PXDNL: variants seen among roughly 807,000 people sequenced by gnomAD.
The protein encoded by PXDNL is probable oxidoreductase PXDNL.
A neutral mutation model predicts 150.8 loss-of-function variants in PXDNL; 145 were observed. The observed-to-expected ratio is 0.96, with a 90% CI of 0.84 to 1.10. The LOEUF (loss-of-function observed/expected upper bound fraction) is 1.10. PXDNL is among the 50% of genes least tolerant of loss of function. The pLI, the probability that PXDNL is intolerant of heterozygous loss-of-function variation, is 0.00. For missense variants in PXDNL, 2,087 were observed against 1,873.9 expected (o/e 1.11, Z -2.10); for synonymous variants, 757 against 725.7 (o/e 1.04, Z -0.69).
chr8:51,771,684 A>C (rs1431073270), intron 1 of PXDNL, among the ~76,000 whole-genome samples: 2 of 152,200 alleles, frequency 1.3e-5, no homozygotes, highest in African/African-American at 4.8e-5. Context: ...GAACAATAAA[A>C]AAGAGACAAA....
intron 1 of PXDNL, among the ~76,000 whole-genome samples, chr8:51,714,759 G>A (rs1228289111): frequency 1.3e-5 from 2 of 152,150 alleles, no homozygotes; most frequent in Non-Finnish European, 2.9e-5. Context: ...CTCCTGAATG[G>A]ACAAATGAAA....
chr8:51,367,901 GTGGATCACC>G (rs1806969977), intron 19 of PXDNL, among the ~76,000 whole-genome samples: 1 of 152,212 alleles, frequency 6.6e-6, no homozygotes, highest in Non-Finnish European at 1.5e-5. Context: ...GCCGAGACGG[GTGGATCACC>G]TGAGGTCAGG....
At chr8:51,678,768 G>A (rs1815682601) in intron 1 of PXDNL, among the ~76,000 whole-genome samples, 1 of 152,256 alleles carries the variant, frequency 6.6e-6, no homozygotes, top group Admixed American at 6.5e-5. Context: ...CCTAATGCTA[G>A]ATGACGAGTT....
intron 4 of PXDNL, among the ~76,000 whole-genome samples, chr8:51,519,739 A>C (rs1185802253): frequency 6.6e-6 from 1 of 152,252 alleles, no homozygotes; most frequent in African/African-American, 2.4e-5. Flanking sequence ...GAAAGGGTGA[A>C]TTCTCTCAAG....
At chr8:51,349,167 GT>G (rs1388302799) in intron 19 of PXDNL, among the ~76,000 whole-genome samples, 7 of 71,338 alleles carry the variant, frequency 9.8e-5, no homozygotes, top group Non-Finnish European at 1.4e-4. Flanking sequence ...GGGTGGGTGT[GT>G]GTGTGGGGGT....
At chr8:51,713,517 G>T (rs1816542872) in intron 1 of PXDNL, among the ~76,000 whole-genome samples, 1 of 152,164 alleles carries the variant, frequency 6.6e-6, no homozygotes, top group African/African-American at 2.4e-5. Context: ...GGCCAACGTT[G>T]TCCTCACACC....
chr8:51,644,243 G>A (rs1188572704), intron 2 of PXDNL, among the ~76,000 whole-genome samples: 3 of 145,460 alleles, frequency 2.1e-5, no homozygotes, highest in African/African-American at 7.4e-5. Flanking sequence ...AAGTGAAGGA[G>A]ACAGTTATGC....
intron 17 of PXDNL, among the ~76,000 whole-genome samples, chr8:51,382,319 G>C (rs985024009): frequency 6.6e-6 from 1 of 152,112 alleles, no homozygotes; most frequent in African/African-American, 2.4e-5. Flanking sequence ...AGGAAGCGTG[G>C]CCCTGCTGAC....
intron 17 of PXDNL, among the ~76,000 whole-genome samples, chr8:51,378,851 A>C (rs1183288624): frequency 6.6e-6 from 1 of 151,880 alleles, no homozygotes; most frequent in African/African-American, 2.4e-5. Flanking sequence ...AACTCTGAAC[A>C]TGTTCGAACA....
intron 2 of PXDNL, among the ~76,000 whole-genome samples, chr8:51,630,017 A>T (rs1190744245): frequency 1.3e-5 from 2 of 152,206 alleles, no homozygotes; most frequent in South Asian, 4.1e-4. Context: ...TGGAGGCATT[A>T]CATTATCCAA....
chr8:51,602,020 T>G (rs1029444565), intron 2 of PXDNL, among the ~76,000 whole-genome samples: 1 of 152,080 alleles, frequency 6.6e-6, no homozygotes, highest in African/African-American at 2.4e-5. Flanking sequence ...GGTTGGAATC[T>G]CTTTTCTTTA....
intron 1 of PXDNL, among the ~76,000 whole-genome samples, chr8:51,674,446 G>A (rs1341452013): frequency 6.6e-6 from 1 of 152,240 alleles, no homozygotes; most frequent in East Asian, 1.9e-4. Flanking sequence ...AATTTGGAAA[G>A]AGAAACTTCT....
At chr8:51,651,853 T>C (rs911605437) in intron 2 of PXDNL, among the ~76,000 whole-genome samples, 3 of 152,214 alleles carry the variant, frequency 2.0e-5, no homozygotes, top group African/African-American at 7.2e-5. Flanking sequence ...CACAGAGCTC[T>C]GCCAGGCACC....
At chr8:51,439,170 T>C (rs1586107706) in intron 12 of PXDNL, among the ~76,000 whole-genome samples, 1 of 149,680 alleles carries the variant, frequency 6.7e-6, no homozygotes, top group Non-Finnish European at 1.5e-5. Context: ...CTTTGCAATC[T>C]ATGCATCCAG....
At chr8:51,760,845 C>CTTTTTATTTTTTTTTTT (rs2037154672) in intron 1 of PXDNL, among the ~76,000 whole-genome samples, 1 of 45,476 alleles carries the variant, frequency 2.2e-5, no homozygotes. Flanking sequence ...ATCACTTAAA[C>CTTTTTATTTTTTTTTTT]TTTTTTTTTT....
chr8:51,744,055 AAGGAAGGAAGGAAGGAAGGAAGGAAG>A (rs1563307053), intron 1 of PXDNL, among the ~76,000 whole-genome samples: 15 of 59,078 alleles, frequency 2.5e-4, no homozygotes, highest in Non-Finnish European at 4.4e-4. Context: ...GGAAGGAAGG[AAGGAAGGAAGGAAGGAAGGAAGGAAG>A]GAAGGAAGGA....
At chr8:51,372,196 AAGAATT>A (rs1807143409) in intron 18 of PXDNL, 115 bp from the exon 19 acceptor site, 1 of 671,306 alleles carries the variant, frequency 1.5e-6, no homozygotes, top group African/African-American at 1.8e-5. Flanking sequence ...CGCATACTGA[AAGAATT>A]ATGCTTGTTC....
At chr8:51,800,144 A>T (rs2037603535) in intron 1 of PXDNL, among the ~76,000 whole-genome samples, 1 of 152,152 alleles carries the variant, frequency 6.6e-6, no homozygotes, top group Admixed American at 6.5e-5. Context: ...CAGCACTCTT[A>T]GAATGGAGGG....
chr8:51,758,304 C>T (rs2037124663), intron 1 of PXDNL, among the ~76,000 whole-genome samples: 1 of 152,148 alleles, frequency 6.6e-6, no homozygotes, highest in Non-Finnish European at 1.5e-5. Flanking sequence ...TCTAATATTC[C>T]TTAGCCACCA....
Sources: allele counts gnomAD v4.1 joint callset (sites outside exome capture counted in the v4.1 genomes callset), GRCh38; gene constraint gnomAD v4.1.1; transcripts MANE v1.5; gene names NCBI Gene and HGNC (gene_info 2026-07-23, HGNC 2026-07-21).